The following WDHD1 variants were observed in gnomAD, a reference collection of about 807,000 sequenced individuals.
The protein encoded by WDHD1 is WD repeat and HMG-box DNA-binding protein 1.
A neutral mutation model predicts 135.4 loss-of-function variants in WDHD1; 111 were observed. The ratio of observed to expected loss-of-function variants is 0.82; its 90% CI spans 0.70 to 0.96. The LOEUF (loss-of-function observed/expected upper bound fraction) is 0.96. Ranked by LOEUF, WDHD1 falls within the 40% of genes least tolerant of loss-of-function variation. The probability of loss-of-function intolerance (pLI) is 0.00; values close to 1 mark genes in which losing one functional copy is unlikely to be tolerated. For synonymous variants in WDHD1, 434 were observed against 439.0 expected, an observed-to-expected ratio of 0.99 and a Z score of 0.14; for missense variants, 1,351 against 1,336.3, an observed-to-expected ratio of 1.01 and a Z score of -0.17.
At chr14:54,983,416 T>C (rs2041649165) in intron 15 of WDHD1, among the ~76,000 whole-genome samples, 1 of 151,778 alleles carries the variant, frequency 6.6e-6, no homozygotes, top group Non-Finnish European at 1.5e-5. Flanking sequence ...CTCACGCCTG[T>C]AATCCCAGCA....
chr14:55,013,058 A>C (rs1394041724), intron 3 of WDHD1, among the ~76,000 whole-genome samples: 1 of 151,988 alleles, frequency 6.6e-6, no homozygotes, highest in African/African-American at 2.4e-5. Flanking sequence ...ATCACTTTTA[A>C]TAAACCACAA....
At chr14:54,969,244 T>G (rs1164710272) in intron 16 of WDHD1, among the ~76,000 whole-genome samples, 2 of 151,156 alleles carry the variant, frequency 1.3e-5, no homozygotes, top group Non-Finnish European at 2.9e-5. Flanking sequence ...TTCACCGTGG[T>G]CTCGATCTCC....
At chr14:54,966,135 G>A (rs1202882126) in intron 18 of WDHD1, among the ~76,000 whole-genome samples, 1 of 142,456 alleles carries the variant, frequency 7.0e-6, no homozygotes, top group South Asian at 2.2e-4. Flanking sequence ...GAGACCAGTC[G>A]GGCCAACATA....
rs750608161 is a variant in WDHD1, at chr14:55,005,223, A to C, written c.600+2057T>G. ...TTGCATGGGATGGTAGTGTCCACAT[A>C]GCACAGAGGAAAATCTGTGTGACAC... On this transcript the variant is annotated intron_variant, in intron 7 of 25. Transcript: ENST00000360586. 3 of 538,922 alleles carry C rather than the reference A, an allele frequency of 5.6e-6. No individual in the cohort carries two copies. The East Asian group carries it at 1.4e-4, about 26-fold the overall frequency. 33.4% of individuals were successfully genotyped at this position (538,922 alleles called of 1,614,324 possible).
rs750447193 is a variant in WDHD1, at chr14:55,008,318, G to A, written c.502C>T (p.Gln168Ter). 1 of 1,613,066 alleles carries A rather than the reference G, an allele frequency of 6.2e-7. No individual in the cohort carries two copies. Among genetic ancestry groups the A allele is most frequent in the Non-Finnish European group, 8.5e-7 (1 of 1,179,554 alleles). ...GSVRVWQISD[Q>*]TCAISWPLLQ... ...TAAATTTAAATTGCTGAGTTTACCT[G>A]ATCTGAAATTTGCCACACTCTGACA... The change falls in exon 6 of 26, where the codon CAG becomes TAG. Residue 168 changes from glutamine (Q) to a stop codon, truncating the protein, a stop_gained and splice_region_variant. Transcript: ENST00000360586. LOFTEE classifies it high-confidence loss of function.
At chr14:55,026,673 C>T (rs775428591) in intron 2 of WDHD1, 38 bp downstream of exon 2, 4 of 1,597,980 alleles carry the variant, frequency 2.5e-6, no homozygotes, top group Admixed American at 1.7e-5. Flanking sequence ...AATGTTTTAA[C>T]ATTTGCACCT....
chr14:54,987,407 A>T lies in WDHD1; in HGVS notation c.1527-20T>A, dbSNP rs1272174879. The T allele has an allele frequency of 1.9e-6, 3 of 1,603,142 alleles. No homozygotes were observed. The highest frequency in any genetic ancestry group is 2.6e-6 in the Non-Finnish European group (3 of 1,173,490). Reference sequence around the variant, plus strand: ...AGCTTGCTAAAAATTAAAACAAGACAGAAACAATCAAACTTTCATATGATA... The same window carrying T: ...AGCTTGCTAAAAATTAAAACAAGACTGAAACAATCAAACTTTCATATGATA... On this transcript the variant is annotated intron_variant, in intron 13 of 25. Transcript: ENST00000360586.
chr14:54,964,102 T>C (rs2041302059), intron 18 of WDHD1, among the ~76,000 whole-genome samples: 1 of 151,876 alleles, frequency 6.6e-6, no homozygotes, highest in Non-Finnish European at 1.5e-5. Flanking sequence ...AGTGAGACCC[T>C]TTCTCTAAAA....
At chr14:55,024,019 C>T (rs2042392089) in intron 2 of WDHD1, among the ~76,000 whole-genome samples, 1 of 152,096 alleles carries the variant, frequency 6.6e-6, no homozygotes, top group Admixed American at 6.5e-5. Context: ...TCATGACATA[C>T]TTTTTCTTAA....
intron 4 of WDHD1, among the ~76,000 whole-genome samples, chr14:55,009,945 C>G (rs1396500587): frequency 6.6e-6 from 1 of 151,870 alleles, no homozygotes; most frequent in Non-Finnish European, 1.5e-5. Flanking sequence ...CTCAGCTTCC[C>G]GAGTAGCTGG....
At chr14:55,025,673 C>T (rs2042424636) in intron 2 of WDHD1, among the ~76,000 whole-genome samples, 1 of 152,224 alleles carries the variant, frequency 6.6e-6, no homozygotes. Flanking sequence ...TAATAAAGTC[C>T]AGAAGGTCTT....
chr14:54,953,059 G>A (rs2041088967), intron 24 of WDHD1, among the ~76,000 whole-genome samples: 1 of 152,134 alleles, frequency 6.6e-6, no homozygotes, highest in Non-Finnish European at 1.5e-5. Context: ...CAGGATATAG[G>A]AATGTGCAAG....
intron 10 of WDHD1, among the ~76,000 whole-genome samples, chr14:54,997,975 G>A (rs1367937461): frequency 2.0e-5 from 3 of 151,904 alleles, no homozygotes; most frequent in African/African-American, 4.8e-5. Flanking sequence ...ACTTTGGGGG[G>A]CTGCGGTGGG....
At chr14:54,969,154 T>C (rs1294334534) in intron 16 of WDHD1, among the ~76,000 whole-genome samples, 1 of 152,124 alleles carries the variant, frequency 6.6e-6, no homozygotes, top group African/African-American at 2.4e-5. Flanking sequence ...TTCTCCTGCC[T>C]CAGCCTCCCA....
intron 7 of WDHD1, chr14:55,005,074 T>C: frequency 1.8e-6 from 1 of 541,726 alleles, no homozygotes; most frequent in Non-Finnish European, 3.6e-6. Context: ...TCTTTTTCAA[T>C]CTCCTCAGGA....
intron 8 of WDHD1, 86 bp from the exon 9 acceptor site, chr14:55,001,078 CA>C (rs2041973503): frequency 9.2e-6 from 8 of 871,728 alleles, no homozygotes; most frequent in Non-Finnish European, 1.3e-5. Flanking sequence ...ATTTTCTTTT[CA>C]TTTTTTTTCA....
intron 16 of WDHD1, among the ~76,000 whole-genome samples, chr14:54,973,170 G>A (rs376713727): frequency 3.5e-4 from 54 of 152,184 alleles, no homozygotes; most frequent in African/African-American, 1.2e-3. Flanking sequence ...TTAAAAAGAC[G>A]AAATCTCTTT....
At chr14:55,008,242 G>A (rs960829333) in intron 6 of WDHD1, 74 bp downstream of exon 6, 1 of 1,375,082 alleles carries the variant, frequency 7.3e-7, no homozygotes. Context: ...TATTAATTTG[G>A]CCCAGTAATA....
intron 16 of WDHD1, among the ~76,000 whole-genome samples, chr14:54,970,143 C>A (rs2041407573): frequency 6.6e-6 from 1 of 152,118 alleles, no homozygotes; most frequent in Non-Finnish European, 1.5e-5. Flanking sequence ...TGGAATAAGA[C>A]AAGGTTGGCC....
Sources: gnomAD v4.1 joint callset for allele counts (sites outside exome capture counted in the v4.1 genomes callset) on GRCh38, gnomAD v4.1.1 for gene constraint, MANE v1.5 for transcripts, NCBI Gene and HGNC (gene_info 2026-07-23, HGNC 2026-07-21) for gene names.